Variants in CSMD1 observed in about 807,000 individuals in gnomAD.
CSMD1 encodes the protein CUB and sushi domain-containing protein 1.
In CSMD1, 213 loss-of-function variants were observed where a neutral mutation model predicts 417.5. The ratio of observed to expected loss-of-function variants is 0.51; its 90% CI spans 0.46 to 0.57. The LOEUF (loss-of-function observed/expected upper bound fraction) is 0.57, where lower values mean the gene tolerates loss of function less well. Among genes scored for constraint, CSMD1 ranks in the 20% least tolerant of loss-of-function variants. The pLI is 0.00. For missense variants in CSMD1, 6,923 were observed against 4,529.7 expected (o/e 1.53, Z -15.17); for synonymous variants, 2,862 against 1,736.8 (o/e 1.65, Z -16.11).
chr8:3,912,968 C>T (rs1272727897), intron 5 of CSMD1, among the ~76,000 whole-genome samples: 1 of 151,996 alleles, frequency 6.6e-6, no homozygotes, highest in Non-Finnish European at 1.5e-5. Context: ...GAGGAGTAAC[C>T]AAATGTGAGG....
At chr8:3,511,465 C>G (rs1401262925) in intron 10 of CSMD1, among the ~76,000 whole-genome samples, 1 of 151,724 alleles carries the variant, frequency 6.6e-6, no homozygotes, top group African/African-American at 2.4e-5. Flanking sequence ...TACTCAAAAT[C>G]TGTGGCCAGC....
chr8:4,697,498 G>C (rs1584958445), intron 1 of CSMD1, among the ~76,000 whole-genome samples: 3 of 152,114 alleles, frequency 2.0e-5, no homozygotes, highest in African/African-American at 7.2e-5. Flanking sequence ...TATTCCTTTG[G>C]CTTTAGGTGG....
chr8:4,670,435 G>A lies in CSMD1; in HGVS notation c.86-32877C>T, dbSNP rs543549851. Among the ~76,000 whole-genome samples the A allele has an allele frequency of 7.9e-5, 12 of 152,292 alleles. No individual in the cohort carries two copies. The South Asian group carries it at 2.3e-3, about 29-fold the overall frequency. On this transcript the variant is annotated intron_variant, in intron 1 of 69. Transcript: ENST00000635120. ...AATGTGTGTTTTGGATAGTCAAGGA[G>A]CAAACATGTGTGTCCTGTGAGCTAG...
Position 3,091,672 on chromosome 8 carries a change from A to C in CSMD1, c.7139-10T>G. On this transcript the variant is annotated splice_polypyrimidine_tract_variant and intron_variant, in intron 47 of 69. Coordinates refer to ENST00000635120, the MANE Select transcript of CSMD1 (RefSeq NM_033225.6). ...CTTTGCCCAGAAGAACCTAAGTGAA[A>C]CAGAAAAACAAAAACATTCAGAGAT... 6.2e-7 allele frequency: 1 copy of C among 1,604,106 alleles called. No homozygotes were observed. The highest frequency in any genetic ancestry group is 8.5e-7 in the Non-Finnish European group (1 of 1,177,582).
At chr8:4,217,977 G>A (rs907549434) in intron 3 of CSMD1, among the ~76,000 whole-genome samples, 2 of 152,180 alleles carry the variant, frequency 1.3e-5, no homozygotes, top group Non-Finnish European at 2.9e-5. Flanking sequence ...TAGTTGGTGG[G>A]AAACAGTGAA....
intron 3 of CSMD1, among the ~76,000 whole-genome samples, chr8:4,052,997 G>C (rs1407978917): frequency 6.6e-6 from 1 of 152,146 alleles, no homozygotes; most frequent in East Asian, 1.9e-4. Context: ...CTCAGCTAAA[G>C]AAGTGGCCTT....
At chr8:3,229,963 T>C (rs1798736012) in intron 27 of CSMD1, 77 bp downstream of exon 27, 1 of 995,820 alleles carries the variant, frequency 1.0e-6, no homozygotes, top group Non-Finnish European at 1.4e-6. Context: ...GAAGAAATAA[T>C]ACATTTACGG....
chr8:4,070,999 C>A (rs2552122), intron 3 of CSMD1, among the ~76,000 whole-genome samples: 91,634 of 152,042 alleles, frequency 0.6, 28,597 homozygotes, highest in South Asian at 0.72. Flanking sequence ...GTAATGCGTC[C>A]ATTTTCTGTG....
At chr8:3,410,114 A>G (rs1316850839) in intron 12 of CSMD1, among the ~76,000 whole-genome samples, 4 of 152,246 alleles carry the variant, frequency 2.6e-5, no homozygotes, top group Non-Finnish European at 5.9e-5. Flanking sequence ...TACAGAGGAA[A>G]ACAAAATATT....
rs111932514 is a variant in CSMD1, at chr8:3,726,516, C to G, written c.932-18025G>C. Among the ~76,000 whole-genome samples, 453 of 152,246 alleles carry G rather than the reference C, an allele frequency of 3.0e-3. 3 individuals carry two copies. Among genetic ancestry groups the G allele is most frequent in the Middle Eastern group, 0.02 (6 of 294 alleles). On this transcript the variant is annotated intron_variant, in intron 6 of 69. Transcript: ENST00000635120. The stretch of plus-strand genomic sequence containing the variant: ...GAGATGAGAGGCCAACTCTGAACAC[C>G]TTTATTCTCTTGCATAGTTTGGGTC...
chr8:3,872,515 T>C (rs972260221), intron 5 of CSMD1, among the ~76,000 whole-genome samples: 9 of 152,322 alleles, frequency 5.9e-5, no homozygotes, highest in African/African-American at 2.2e-4. Context: ...AACTAGGTAA[T>C]GTTCTGCCAG....
At chr8:4,515,920 A>G (rs1261669628) in intron 2 of CSMD1, among the ~76,000 whole-genome samples, 1 of 152,176 alleles carries the variant, frequency 6.6e-6, no homozygotes, top group Non-Finnish European at 1.5e-5. Context: ...AAACTAGCAG[A>G]CTTGTAGCCA....
intron 5 of CSMD1, among the ~76,000 whole-genome samples, chr8:3,842,994 G>C (rs1803234094): frequency 6.6e-6 from 1 of 152,138 alleles, no homozygotes; most frequent in Admixed American, 6.5e-5. Flanking sequence ...TGCTCAGTTT[G>C]ATTTCTAAAG....
chr8:4,017,888 T>G (rs1489127528), intron 4 of CSMD1, among the ~76,000 whole-genome samples: 1 of 152,176 alleles, frequency 6.6e-6, no homozygotes, highest in East Asian at 1.9e-4. Flanking sequence ...ACCAAAGGAC[T>G]TAGGCTAATC....
intron 12 of CSMD1, among the ~76,000 whole-genome samples, chr8:3,437,639 T>C (rs1814654965): frequency 6.6e-6 from 1 of 152,234 alleles, no homozygotes; most frequent in Admixed American, 6.5e-5. Flanking sequence ...AAGATGGTTG[T>C]GATTATAATT....
intron 3 of CSMD1, among the ~76,000 whole-genome samples, chr8:4,406,566 G>A (rs780160222): frequency 1.3e-5 from 2 of 152,070 alleles, no homozygotes; most frequent in Admixed American, 6.6e-5. Flanking sequence ...GCCTTCTGTA[G>A]GCATATGAGC....
intron 2 of CSMD1, among the ~76,000 whole-genome samples, chr8:4,543,830 A>G (rs1425930782): frequency 3.3e-5 from 5 of 152,046 alleles, no homozygotes; most frequent in African/African-American, 1.2e-4. Context: ...CCATTCTACT[A>G]GGAATGTGGT....
intron 3 of CSMD1, among the ~76,000 whole-genome samples, chr8:4,353,612 A>T (rs967397393): frequency 6.6e-6 from 1 of 152,078 alleles, no homozygotes; most frequent in Admixed American, 6.6e-5. Flanking sequence ...TAAGGCAACT[A>T]AAGAGCAGAG....
chr8:4,788,732 C>A, intron 1 of CSMD1: 2 of 423,866 alleles, frequency 4.7e-6, no homozygotes, highest in South Asian at 8.0e-5. Flanking sequence ...TAGATCCATA[C>A]TAATAAACAT....
Sources: allele counts gnomAD v4.1 joint callset (sites outside exome capture counted in the v4.1 genomes callset), GRCh38; gene constraint gnomAD v4.1.1; transcripts MANE v1.5; gene names NCBI Gene and HGNC (gene_info 2026-07-23, HGNC 2026-07-21).